Variants in PDIA6 observed in about 807,000 individuals in gnomAD.
PDIA6 encodes protein disulfide isomerase family A member 6.
Under a neutral mutation model 58.4 loss-of-function variants are expected in PDIA6, and 29 were observed. That is an observed-to-expected ratio of 0.50 (90% confidence interval 0.37 to 0.68). The LOEUF (loss-of-function observed/expected upper bound fraction) is 0.68, where lower values mean the gene tolerates loss of function less well. Among genes scored for constraint, PDIA6 ranks in the 30% least tolerant of loss-of-function variants. PDIA6 has a pLI of 0.00. For missense variants in PDIA6, 480 were observed against 551.0 expected (o/e 0.87, Z 1.29); for synonymous variants, 192 against 202.6 (o/e 0.95, Z 0.44).
chr2:10,810,224 C>T (rs1666945924), intron 1 of PDIA6: 1 of 1,314,086 alleles, frequency 7.6e-7, no homozygotes, highest in Admixed American at 2.0e-5. Context: ...GAAACTTTAA[C>T]ACAGAAAGGA....
At chr2:10,825,113 G>A (rs1667513816) in intron 1 of PDIA6, among the ~76,000 whole-genome samples, 1 of 152,200 alleles carries the variant, frequency 6.6e-6, no homozygotes, top group African/African-American at 2.4e-5. Context: ...CATGCTGGAT[G>A]CTTCCTGCCC....
At chr2:10,836,612 GGTT>G (rs1572716528), upstream of PDIA6, among the ~76,000 whole-genome samples, 1 of 150,314 alleles carries the variant, frequency 6.7e-6, no homozygotes, top group Non-Finnish European at 1.5e-5. Context: ...TGTCCAATTT[GGTT>G]GTTTTTAGCG....
chr2:10,796,057 T>G (rs1024814720), intron 4 of PDIA6, among the ~76,000 whole-genome samples: 2 of 96,874 alleles, frequency 2.1e-5, no homozygotes, highest in Non-Finnish European at 4.6e-5. Context: ...CTGTTTGTGA[T>G]ATCTTTTTTT....
intron 2 of PDIA6, among the ~76,000 whole-genome samples, chr2:10,817,917 A>G (rs1218428827): frequency 6.6e-6 from 1 of 152,218 alleles, no homozygotes; most frequent in African/African-American, 2.4e-5. Context: ...ACAGGGCTTA[A>G]TGTTCTCAGG....
chr2:10,812,543 G>T (rs1049827008), intron 1 of PDIA6, 135 bp downstream of exon 1: 1 of 891,208 alleles, frequency 1.1e-6, no homozygotes, highest in Non-Finnish European at 1.5e-6. Context: ...TCCGGACGCC[G>T]AGGCCCGCGC....
chr2:10,812,873 C>G, upstream of PDIA6: 1 of 1,159,612 alleles, frequency 8.6e-7, no homozygotes, highest in Non-Finnish European at 1.1e-6. Flanking sequence ...GCTCATTGGT[C>G]CGGGCGGACA....
intron 1 of PDIA6, chr2:10,810,457 A>C (rs1021367321): frequency 7.4e-6 from 10 of 1,347,776 alleles, no homozygotes; most frequent in African/African-American, 1.5e-5. Flanking sequence ...TTTTCACCTT[A>C]GGAATGTCCT....
At chr2:10,829,562 C>A (rs56344711) in intron 1 of PDIA6, among the ~76,000 whole-genome samples, 142 of 152,234 alleles carry the variant, frequency 9.3e-4, no homozygotes, top group Admixed American at 2.1e-3. Flanking sequence ...AGATTAGAAA[C>A]AATTTTTCTG....
rs375510023 is a variant in PDIA6, at chr2:10,790,837, T to C, written c.585-4A>G. 1.2e-4 allele frequency: 199 copies of C among 1,605,828 alleles called. No individual in the cohort carries two copies. Among genetic ancestry groups the C allele is most frequent in the Non-Finnish European group, 1.6e-4 (188 of 1,172,798 alleles). On this transcript the variant is annotated splice_region_variant and splice_polypyrimidine_tract_variant and intron_variant, in intron 6 of 12. Coordinates refer to ENST00000272227, the MANE Select transcript of PDIA6 (RefSeq NM_005742.4). ...GGCAGCCCACTCTGGCTCTAGGCTA[T>C]AGAAAAATATTCGTTTTGTTTTGTT...
At chr2:10,836,067 A>C (rs1187086617), upstream of PDIA6, among the ~76,000 whole-genome samples, 1 of 146,562 alleles carries the variant, frequency 6.8e-6, no homozygotes, top group East Asian at 2.0e-4. Context: ...AAAAAAAAAT[A>C]CTTTCAGACC....
chr2:10,810,729 G>A (rs1572689580), intron 1 of PDIA6, among the ~76,000 whole-genome samples: 1 of 152,268 alleles, frequency 6.6e-6, no homozygotes, highest in East Asian at 1.9e-4. Context: ...GACAAAAGAT[G>A]TGGACATTCT....
At chr2:10,821,047 A>G in intron 1 of PDIA6, 1 of 533,202 alleles carries the variant, frequency 1.9e-6, no homozygotes, top group South Asian at 2.4e-5. Flanking sequence ...GGAGATGGCC[A>G]CAGAATTTTC....
chr2:10,823,731 T>C (rs1374910503), intron 1 of PDIA6, among the ~76,000 whole-genome samples: 1 of 143,284 alleles, frequency 7.0e-6, no homozygotes, highest in Non-Finnish European at 1.6e-5. Flanking sequence ...TGTTGTGGTG[T>C]GTAGCCCAGA....
intron 1 of PDIA6, among the ~76,000 whole-genome samples, chr2:10,811,892 T>C (rs543736308): frequency 6.6e-6 from 1 of 152,328 alleles, no homozygotes; most frequent in South Asian, 2.1e-4. Flanking sequence ...TGGGTCCTTA[T>C]TTCAGGACTG....
Position 10,789,875 on chromosome 2 carries a change from A to G in PDIA6, c.714T>C (p.Pro238=). 6.2e-7 allele frequency: 1 copy of G among 1,613,534 alleles called. No homozygotes were observed. Among genetic ancestry groups the G allele is most frequent in the Non-Finnish European group, 8.5e-7 (1 of 1,179,516 alleles). ...CGCCTTTCTGAAATATCTTGATTGT[A>G]GGAAATCCTCTAATCTATTAAAAAA... ...LASRYGIRGF[P]TIKIFQKGES... is the part of the protein sequence containing the mutation. The change falls in exon 8 of 13, where the codon CCT becomes CCC. Residue 238 remains proline (P), a synonymous_variant. Transcript: ENST00000272227.
chr2:10,789,815 T>C lies in PDIA6; in HGVS notation c.774A>G (p.Arg258=). The stretch of plus-strand genomic sequence containing the variant: ...CAAGGGCCCGGGACACGATGTCGGA[T>C]CTTGTCCGCCCACCGTCATAATCCA... ...SPVDYDGGRT[R]SDIVSRALDL... is the part of the protein sequence containing the mutation. Residue 258 remains arginine, a synonymous_variant, in exon 8 of 13, where the codon AGA becomes AGG. Transcript: ENST00000272227. 6.2e-7 allele frequency: 1 copy of C among 1,613,848 alleles called. No homozygotes were observed. Among genetic ancestry groups the C allele is most frequent in the South Asian group, 1.1e-5 (1 of 91,064 alleles).
At chr2:10,818,481 AATTTATTTATTTATTT>A (rs750321012) in intron 2 of PDIA6, among the ~76,000 whole-genome samples, 68 of 115,784 alleles carry the variant, frequency 5.9e-4, no homozygotes, top group Middle Eastern at 8.3e-3. Context: ...TTAACCATTT[AATTTATTTATTTATTT>A]ATTTATTTAT....
At chr2:10,796,339 C>T (rs1666267096) in intron 4 of PDIA6, among the ~76,000 whole-genome samples, 1 of 152,014 alleles carries the variant, frequency 6.6e-6, no homozygotes, top group African/African-American at 2.4e-5. Context: ...AGGCATGAGC[C>T]ATCATGCCCA....
chr2:10,788,369 A>G (rs1665875797), intron 10 of PDIA6, among the ~76,000 whole-genome samples: 1 of 152,116 alleles, frequency 6.6e-6, no homozygotes, highest in Non-Finnish European at 1.5e-5. Flanking sequence ...CATATAGCAG[A>G]GCAGGCCGGG....
Sources: gnomAD v4.1 joint callset for allele counts (sites outside exome capture counted in the v4.1 genomes callset) on GRCh38, gnomAD v4.1.1 for gene constraint, MANE v1.5 for transcripts, NCBI Gene and HGNC (gene_info 2026-07-23, HGNC 2026-07-21) for gene names.